Variants in DLC1 observed in about 807,000 individuals in gnomAD.
The protein encoded by DLC1 is rho GTPase-activating protein 7.
A neutral mutation model predicts 140.3 loss-of-function variants in DLC1; 54 were observed. That is an observed-to-expected ratio of 0.38 (90% CI 0.31 to 0.48). The LOEUF (loss-of-function observed/expected upper bound fraction) is 0.48. Ranked by LOEUF, DLC1 falls within the 20% of genes least tolerant of loss-of-function variation. The pLI is 0.96. For missense variants in DLC1, 2,536 were observed against 1,907.0 expected (o/e 1.33, Z -6.14); for synonymous variants, 986 against 728.1 (o/e 1.35, Z -5.70).
intron 4 of DLC1, among the ~76,000 whole-genome samples, chr8:13,318,259 G>T (rs1005353852): frequency 2.0e-5 from 3 of 149,956 alleles, no homozygotes; most frequent in Non-Finnish European, 4.4e-5. Context: ...GTCTGAAACT[G>T]CTGGCCTCAA....
At chr8:13,560,190 T>C (rs1375405420) in intron 1 of DLC1, among the ~76,000 whole-genome samples, 2 of 152,220 alleles carry the variant, frequency 1.3e-5, no homozygotes, top group Non-Finnish European at 2.9e-5. Context: ...TTTTGAGTTT[T>C]ACCGGATACT....
chr8:13,471,456 T>G (rs1214144004), intron 2 of DLC1, among the ~76,000 whole-genome samples: 5 of 120,720 alleles, frequency 4.1e-5, no homozygotes, highest in African/African-American at 9.8e-5. Context: ...GAAAAAAGAG[T>G]GAGGAAGGAA....
At chr8:13,138,208 T>G (rs944834921) in intron 5 of DLC1, among the ~76,000 whole-genome samples, 4 of 152,166 alleles carry the variant, frequency 2.6e-5, no homozygotes, top group African/African-American at 9.7e-5. Flanking sequence ...TAGTGGGATG[T>G]TGAGAACTGG....
intron 2 of DLC1, among the ~76,000 whole-genome samples, chr8:13,440,699 G>C (rs1169288298): frequency 6.6e-6 from 1 of 152,062 alleles, no homozygotes; most frequent in Non-Finnish European, 1.5e-5. Flanking sequence ...CTAGGGGGAG[G>C]TAATTGAATC....
At chr8:13,444,438 T>C (rs1419131902) in intron 2 of DLC1, among the ~76,000 whole-genome samples, 2 of 152,052 alleles carry the variant, frequency 1.3e-5, no homozygotes, top group Admixed American at 1.3e-4. Context: ...CTCTAGAACT[T>C]AACGTTTAAT....
At chr8:13,180,653 C>G (rs1427062980) in intron 5 of DLC1, among the ~76,000 whole-genome samples, 1 of 151,956 alleles carries the variant, frequency 6.6e-6, no homozygotes, top group African/African-American at 2.4e-5. Flanking sequence ...AATGTAATCA[C>G]ATATGAACAC....
At chr8:13,388,902 A>G (rs1259057318) in intron 4 of DLC1, among the ~76,000 whole-genome samples, 1 of 152,006 alleles carries the variant, frequency 6.6e-6, no homozygotes, top group South Asian at 2.1e-4. Flanking sequence ...CTTCTTGTGC[A>G]TTGAGCATTC....
chr8:13,403,162 T>C (rs1036727862), intron 2 of DLC1, among the ~76,000 whole-genome samples: 1 of 152,242 alleles, frequency 6.6e-6, no homozygotes, highest in African/African-American at 2.4e-5. Context: ...ATGCTGTTGT[T>C]ATTACTTCAG....
At chr8:13,372,725 A>G (rs767824019) in intron 4 of DLC1, among the ~76,000 whole-genome samples, 15 of 152,196 alleles carry the variant, frequency 9.9e-5, no homozygotes, top group Non-Finnish European at 1.8e-4. Context: ...TTAAAAAGAA[A>G]TAGTTATATT....
At chr8:13,127,753 T>C (rs181156581) in intron 5 of DLC1, among the ~76,000 whole-genome samples, 1 of 152,168 alleles carries the variant, frequency 6.6e-6, no homozygotes, top group African/African-American at 2.4e-5. Flanking sequence ...CCCTTAAACA[T>C]CCTTTAGAGA....
At chr8:13,475,243 G>A (rs1303406831) in intron 2 of DLC1, among the ~76,000 whole-genome samples, 1 of 152,050 alleles carries the variant, frequency 6.6e-6, no homozygotes, top group African/African-American at 2.4e-5. Flanking sequence ...GTTGAATTTT[G>A]TTAAAACAGC....
chr8:13,186,311 A>C (rs1275308089), intron 5 of DLC1, among the ~76,000 whole-genome samples: 1 of 152,034 alleles, frequency 6.6e-6, no homozygotes, highest in African/African-American at 2.4e-5. Flanking sequence ...TGGTCTTTTC[A>C]CATAGTCTCA....
intron 5 of DLC1, among the ~76,000 whole-genome samples, chr8:13,263,384 T>C (rs549651708): frequency 1.9e-4 from 29 of 152,290 alleles, no homozygotes; most frequent in African/African-American, 6.5e-4. Flanking sequence ...TAATGAACTT[T>C]ATGTTATTAT....
Position 13,099,418 on chromosome 8 carries a change from T to C in DLC1, c.2919A>G (p.Glu973=), listed in dbSNP as rs1342320832. 6.2e-7 allele frequency: 1 copy of C among 1,614,010 alleles called. No individual in the cohort carries two copies. Among genetic ancestry groups the C allele is most frequent in the Non-Finnish European group, 8.5e-7 (1 of 1,179,974 alleles). Residue 973 remains glutamate, a synonymous_variant, in exon 9 of 18, where the codon GAA becomes GAG. Coordinates refer to ENST00000276297, the MANE Select transcript of DLC1 (RefSeq NM_182643.3). ...CCGGGATCTCGGAGGGCTCTTCCGG[T>C]TCATTCAGGGAGTTGCCTGTGCTGT... ...DLDSTGNSLN[E]PEEPSEIPER...
chr8:13,133,195 C>A lies in DLC1; in HGVS notation c.1349-17538G>T, dbSNP rs537973048. ...ACGAGGGAGCGCTCAGGGAGTTGGGCGAGAAGTCCGTGAGCCGGCGCTCCT... is the reference window on the plus strand; with the variant it reads ...ACGAGGGAGCGCTCAGGGAGTTGGGAGAGAAGTCCGTGAGCCGGCGCTCCT... On this transcript the variant is annotated intron_variant, in intron 5 of 17. Coordinates refer to ENST00000276297, the MANE Select transcript of DLC1 (RefSeq NM_182643.3). The A allele has an allele frequency of 3.5e-6, 5 of 1,425,108 alleles. No individual in the cohort carries two copies. The Admixed American group carries it at 1.5e-4, about 42-fold the overall frequency. 88.3% of individuals were successfully genotyped at this position (1,425,108 alleles called of 1,614,324 possible).
intron 10 of DLC1, chr8:13,095,727 C>T (rs1818449963): frequency 6.3e-6 from 1 of 157,792 alleles, no homozygotes. Flanking sequence ...AACAAGGTCC[C>T]TTTTGTCTTG....
chr8:13,401,227 C>G (rs1221410149), intron 3 of DLC1, among the ~76,000 whole-genome samples: 1 of 152,178 alleles, frequency 6.6e-6, no homozygotes, highest in South Asian at 2.1e-4. Flanking sequence ...AGGTGACTTT[C>G]CTTCCTGTTT....
chr8:13,271,073 C>A (rs187384331), intron 5 of DLC1, among the ~76,000 whole-genome samples: 9 of 152,288 alleles, frequency 5.9e-5, no homozygotes, highest in Admixed American at 4.6e-4. Flanking sequence ...ATTCTCTCAT[C>A]AAAGCCACCC....
intron 1 of DLC1, among the ~76,000 whole-genome samples, chr8:13,547,710 C>A (rs1042832282): frequency 6.6e-6 from 1 of 152,044 alleles, no homozygotes; most frequent in Non-Finnish European, 1.5e-5. Flanking sequence ...CGACTAATAA[C>A]AAAATATTTA....
Sources: gnomAD v4.1 joint callset for allele counts (sites outside exome capture counted in the v4.1 genomes callset) on GRCh38, gnomAD v4.1.1 for gene constraint, MANE v1.5 for transcripts, NCBI Gene and HGNC (gene_info 2026-07-23, HGNC 2026-07-21) for gene names.